The following CLOCK variants were observed in gnomAD, a reference collection of about 807,000 sequenced individuals.
CLOCK encodes circadian locomoter output cycles protein kaput.
CLOCK carries 43 observed loss-of-function variants against 118.4 expected under a neutral mutation model. That is an observed-to-expected ratio of 0.36 (90% CI 0.28 to 0.47). CLOCK has a LOEUF of 0.47. CLOCK is among the 20% of genes least tolerant of loss of function. The pLI is 1.00. For synonymous variants in CLOCK, 326 were observed against 339.2 expected, an observed-to-expected ratio of 0.96 and a Z score of 0.43; for missense variants, 846 against 999.9, an observed-to-expected ratio of 0.85 and a Z score of 2.08.
intron 17 of CLOCK, among the ~76,000 whole-genome samples, 179 bp from the exon 18 acceptor site, chr4:55,449,047 T>G (rs1207744827): frequency 6.6e-6 from 1 of 152,176 alleles, no homozygotes; most frequent in East Asian, 1.9e-4. Context: ...CTATTTATCT[T>G]TTATTTTCCA....
intron 1 of CLOCK, among the ~76,000 whole-genome samples, chr4:55,538,775 A>T (rs532550968): frequency 6.6e-6 from 1 of 152,382 alleles, no homozygotes; most frequent in East Asian, 1.9e-4. Context: ...TAGCCAAGGA[A>T]AAATAAAAGA....
At chr4:55,538,479 A>C (rs1731048340) in intron 1 of CLOCK, among the ~76,000 whole-genome samples, 1 of 152,232 alleles carries the variant, frequency 6.6e-6, no homozygotes, top group African/African-American at 2.4e-5. Flanking sequence ...TTTTGACAAA[A>C]AGAGAAGATA....
intron 9 of CLOCK, among the ~76,000 whole-genome samples, 159 bp from the exon 10 acceptor site, chr4:55,459,420 T>C (rs1361520625): frequency 6.6e-6 from 1 of 152,208 alleles, no homozygotes; most frequent in Non-Finnish European, 1.5e-5. Flanking sequence ...TAGAGCACCT[T>C]CAGGAGAGGA....
intron 2 of CLOCK, among the ~76,000 whole-genome samples, chr4:55,505,483 G>A (rs1429257925): frequency 2.0e-5 from 3 of 151,854 alleles, no homozygotes; most frequent in African/African-American, 7.2e-5. Context: ...GGGCAACATG[G>A]CAAAACCCCT....
chr4:55,458,536 G>A (rs1725080097), intron 11 of CLOCK, among the ~76,000 whole-genome samples: 1 of 152,022 alleles, frequency 6.6e-6, no homozygotes, highest in Admixed American at 6.6e-5. Flanking sequence ...AGAGCCACTT[G>A]TACATTTCAA....
chr4:55,441,608 T>C (rs1050688926), intron 21 of CLOCK, among the ~76,000 whole-genome samples: 37 of 152,228 alleles, frequency 2.4e-4, no homozygotes, highest in African/African-American at 6.3e-4. Context: ...GAGGCCATTA[T>C]TCTAAGTGAA....
chr4:55,507,418 G>T (rs1448546818), intron 2 of CLOCK, among the ~76,000 whole-genome samples: 1 of 152,056 alleles, frequency 6.6e-6, no homozygotes, highest in Non-Finnish European at 1.5e-5. Flanking sequence ...TTCAAGACCA[G>T]CCTGTCCAAC....
intron 3 of CLOCK, among the ~76,000 whole-genome samples, chr4:55,487,157 C>T (rs529872966): frequency 4.8e-4 from 73 of 151,978 alleles, no homozygotes; most frequent in Non-Finnish European, 9.3e-4. Context: ...TCCCTCTTAC[C>T]TTTATGTAAG....
At chr4:55,541,983 T>C (rs1432669580) in intron 1 of CLOCK, among the ~76,000 whole-genome samples, 1 of 151,174 alleles carries the variant, frequency 6.6e-6, no homozygotes, top group Non-Finnish European at 1.5e-5. Context: ...AATAGGCTCA[T>C]CCTTACAAAT....
intron 2 of CLOCK, among the ~76,000 whole-genome samples, chr4:55,500,703 A>G (rs1329228149): frequency 6.6e-6 from 1 of 152,146 alleles, no homozygotes; most frequent in Non-Finnish European, 1.5e-5. Context: ...TTGCCTATCC[A>G]TTATGTTTTA....
At chr4:55,491,234 T>TAAAAAAAAA (rs34441416) in intron 2 of CLOCK, among the ~76,000 whole-genome samples, 1 of 44,342 alleles carries the variant, frequency 2.3e-5, no homozygotes. Flanking sequence ...GCAGGTGTGC[T>TAAAAAAAAA]AAAAAAAAAA....
At chr4:55,457,035 T>C (rs1475452538) in intron 11 of CLOCK, among the ~76,000 whole-genome samples, 1 of 152,186 alleles carries the variant, frequency 6.6e-6, no homozygotes, top group East Asian at 1.9e-4. Context: ...TGGTAATAAA[T>C]AACCTTTAGA....
chr4:55,448,209 A>G (rs527969228), intron 18 of CLOCK, among the ~76,000 whole-genome samples: 3 of 152,314 alleles, frequency 2.0e-5, no homozygotes, highest in Middle Eastern at 3.4e-3. Flanking sequence ...TTTAGTTCAT[A>G]TATTTGTACT....
At chr4:55,453,575 G>C (rs1724660960) in intron 14 of CLOCK, 102 bp downstream of exon 14, 1 of 898,522 alleles carries the variant, frequency 1.1e-6, no homozygotes, top group Admixed American at 2.3e-5. Flanking sequence ...ATTGAGAAAA[G>C]AGCACTTTGT....
chr4:55,455,873 C>T (rs1264677034), intron 13 of CLOCK, 24 bp downstream of exon 13: 1 of 1,461,034 alleles, frequency 6.8e-7, no homozygotes, highest in Non-Finnish European at 9.6e-7. Context: ...GTTATTATCA[C>T]CAGAAATGTT....
At chr4:55,521,595 A>G (rs914926199) in intron 1 of CLOCK, among the ~76,000 whole-genome samples, 2 of 152,232 alleles carry the variant, frequency 1.3e-5, no homozygotes, top group Non-Finnish European at 2.9e-5. Flanking sequence ...GATTCTTGCT[A>G]TGGTTATACC....
chr4:55,439,023 T>C (rs536282084), intron 21 of CLOCK, among the ~76,000 whole-genome samples: 41 of 152,132 alleles, frequency 2.7e-4, no homozygotes, highest in Non-Finnish European at 5.1e-4. Context: ...CTGTATCAAA[T>C]TAAAAATCTT....
intron 1 of CLOCK, among the ~76,000 whole-genome samples, chr4:55,523,931 A>AAC (rs1005582650): frequency 2.0e-5 from 3 of 152,298 alleles, no homozygotes; most frequent in African/African-American, 7.2e-5. Flanking sequence ...TGAGCAATCC[A>AAC]ACAACTTTTT....
At position 55,533,336 on chromosome 4, in the gene CLOCK, G is replaced by C. The variant is rs565965822; in HGVS notation, c.-290+13446C>G. ...GCTCGCACATGCCACCAAATGACTT[G>C]CGACAAGGGTGCCAAGACTACCCAA... On this transcript the variant is annotated intron_variant, in intron 1 of 22. Coordinates refer to ENST00000513440, the MANE Select transcript of CLOCK (RefSeq NM_004898.4). 9.9e-5 allele frequency among the ~76,000 whole-genome samples: 15 copies of C among 152,212 alleles called. No individual in the cohort carries two copies. In the South Asian group the frequency reaches 2.9e-3, roughly 29 times the overall value.
Sources: gnomAD v4.1 joint callset for allele counts (sites outside exome capture counted in the v4.1 genomes callset) on GRCh38, gnomAD v4.1.1 for gene constraint, MANE v1.5 for transcripts, NCBI Gene and HGNC (gene_info 2026-07-23, HGNC 2026-07-21) for gene names.